Variants in LHX8 observed in about 807,000 individuals in gnomAD.
LHX8 encodes the protein LIM/homeobox protein Lhx8.
In LHX8, 12 loss-of-function variants were observed where a neutral mutation model predicts 40.3. The ratio of observed to expected loss-of-function variants is 0.30; its 90% CI spans 0.19 to 0.48. LHX8 has a LOEUF of 0.48. Among genes scored for constraint, LHX8 ranks in the 20% least tolerant of loss-of-function variants. The pLI, the probability that LHX8 is intolerant of heterozygous loss-of-function variation, is 0.99. For synonymous variants in LHX8, 179 were observed against 162.0 expected (o/e 1.10, Z -0.80); for missense variants, 344 against 433.7 (o/e 0.79, Z 1.84).
chr1:75,193,529 CTAA>C, the LHX8 span, among the ~76,000 whole-genome samples: 1 of 152,206 alleles, frequency 6.6e-6, no homozygotes, highest in African/African-American at 2.4e-5. Flanking sequence ...ACATTTACTT[CTAA>C]TGAGAGCCCC....
chr1:75,190,759 A>G, the LHX8 span, among the ~76,000 whole-genome samples: 1 of 152,188 alleles, frequency 6.6e-6, no homozygotes, highest in South Asian at 2.1e-4. Flanking sequence ...ACTTTTTCTT[A>G]GAGATAAACA....
chr1:75,199,016 T>C, the LHX8 span, among the ~76,000 whole-genome samples: 1 of 152,358 alleles, frequency 6.6e-6, no homozygotes, highest in African/African-American at 2.4e-5. Flanking sequence ...CATCATTCTT[T>C]TTTGTTTGTT....
chr1:75,160,559 A>G, intron 8 of LHX8: 2 of 469,914 alleles, frequency 4.3e-6, no homozygotes, highest in East Asian at 3.8e-5. Context: ...GGTGAAGTGC[A>G]GTGAATGGGG....
In LHX8 at chr1:75,156,231, G is replaced by GTTGTT. The variant is rs915408822; in HGVS notation, c.781-639_781-635dup. Among the ~76,000 whole-genome samples the GTTGTT allele has an allele frequency of 2.7e-4, 17 of 62,384 alleles. No homozygotes were observed. The East Asian group carries it at 5.6e-3, about 21-fold the overall frequency. 40.9% of individuals were successfully genotyped at this position (62,384 alleles called of 152,430 possible). The stretch of plus-strand genomic sequence containing the variant: ...GGGCTTTGTTGTTGTTGTTGTTGTT[G>GTTGTT]TTGTTTTGTTTTGTTTTGTTTTGTT... On this transcript the variant is annotated intron_variant, in intron 7 of 8. Coordinates refer to ENST00000356261, the MANE Select transcript of LHX8 (RefSeq NM_001256114.2).
At chr1:75,128,504 A>C (rs182226067) in exon 1 of LHX8, 11 of 152,286 alleles carry the variant, frequency 7.2e-5, no homozygotes, top group African/African-American at 2.6e-4. Flanking sequence ...CCATTTACTG[A>C]AAGTGTCCAT....
chr1:75,143,106 T>C lies in LHX8; in HGVS notation c.360-12T>C. On this transcript the variant is annotated splice_polypyrimidine_tract_variant and intron_variant, in intron 4 of 8. Coordinates refer to ENST00000356261, the MANE Select transcript of LHX8 (RefSeq NM_001256114.2). ...TTAAAATATTTACCTTCCACACCTCTATTTAATGTAGAAGGTATGGAACTC... is the reference window on the plus strand; with the variant it reads ...TTAAAATATTTACCTTCCACACCTCCATTTAATGTAGAAGGTATGGAACTC... 1 of 1,600,792 alleles carries C rather than the reference T, an allele frequency of 6.2e-7. No homozygotes were observed. Among genetic ancestry groups the C allele is most frequent in the Non-Finnish European group, 8.6e-7 (1 of 1,168,270 alleles).
chr1:75,177,672 C>A, the LHX8 span, among the ~76,000 whole-genome samples: 1 of 152,280 alleles, frequency 6.6e-6, no homozygotes, highest in Non-Finnish European at 1.5e-5. Flanking sequence ...TTATTGCTTT[C>A]TCTTGCCTGA....
chr1:75,164,672 CTTTA>C (rs886416335), downstream of LHX8, among the ~76,000 whole-genome samples: 3 of 150,638 alleles, frequency 2.0e-5, no homozygotes, highest in Admixed American at 6.6e-5. Flanking sequence ...TTTTAAAAAA[CTTTA>C]TTTATTACTT....
the LHX8 span, among the ~76,000 whole-genome samples, chr1:75,178,077 C>A: frequency 6.6e-6 from 1 of 152,118 alleles, no homozygotes. Flanking sequence ...TTCAGTCTGT[C>A]AGTATTTTAT....
chr1:75,155,738 C>G (rs1648745496), intron 7 of LHX8, among the ~76,000 whole-genome samples: 1 of 152,140 alleles, frequency 6.6e-6, no homozygotes, highest in Admixed American at 6.5e-5. Flanking sequence ...TTTGTGAACT[C>G]TCATCAGTGG....
the LHX8 span, among the ~76,000 whole-genome samples, chr1:75,193,214 C>T: frequency 6.6e-6 from 1 of 152,136 alleles, no homozygotes; most frequent in Non-Finnish European, 1.5e-5. Context: ...AGAATAACCC[C>T]ACTGTACTTT....
chr1:75,197,488 C>T, the LHX8 span, among the ~76,000 whole-genome samples: 1 of 152,130 alleles, frequency 6.6e-6, no homozygotes, highest in Non-Finnish European at 1.5e-5. Context: ...GTTCAAGTTA[C>T]ATGTTATAGA....
chr1:75,148,819 A>T, intron 7 of LHX8, 137 bp downstream of exon 7: 1 of 663,770 alleles, frequency 1.5e-6, no homozygotes, highest in Non-Finnish European at 2.7e-6. Context: ...ATGGGATTAC[A>T]GGATGAGCCA....
At chr1:75,175,017 C>A in the LHX8 span, among the ~76,000 whole-genome samples, 1 of 152,112 alleles carries the variant, frequency 6.6e-6, no homozygotes, top group Non-Finnish European at 1.5e-5. Flanking sequence ...TACGCTTTTG[C>A]GTCCTCATAG....
downstream of LHX8, among the ~76,000 whole-genome samples, chr1:75,164,913 G>T (rs1649000870): frequency 6.6e-6 from 1 of 151,902 alleles, no homozygotes; most frequent in South Asian, 2.1e-4. Context: ...GGTTCAAGCA[G>T]TCCTCCCACC....
chr1:75,143,232 A>G lies in LHX8; in HGVS notation c.474A>G (p.Lys158=). Residue 158 remains lysine, a synonymous_variant, in exon 5 of 9, where the codon AAA becomes AAG. Transcript: ENST00000356261. The part of the protein sequence containing the change: ...HLACFACFSC[K]RQLSTGEEFA... ...CATGCTTTGCCTGCTTTTCCTGCAA[A>G]AGGCAACTTTCCACAGGAGAGGAGT... The G allele has an allele frequency of 6.2e-7, 1 of 1,613,862 alleles. No homozygotes were observed. The highest frequency in any genetic ancestry group is 8.5e-7 in the Non-Finnish European group (1 of 1,179,802).
At chr1:75,132,735 C>A (rs550573875), upstream of LHX8, 1 of 148,072 alleles carries the variant, frequency 6.8e-6, no homozygotes, top group African/African-American at 2.5e-5. Context: ...CAGACAGTAC[C>A]CCAGATTCAC....
chr1:75,187,514 TG>T, the LHX8 span, among the ~76,000 whole-genome samples: 1 of 152,044 alleles, frequency 6.6e-6, no homozygotes, highest in Non-Finnish European at 1.5e-5. Context: ...AGGAAAGTAT[TG>T]GGGGGGTCCC....
the LHX8 span, among the ~76,000 whole-genome samples, chr1:75,178,484 T>C: frequency 6.6e-6 from 1 of 152,226 alleles, no homozygotes; most frequent in Non-Finnish European, 1.5e-5. Context: ...TATTCTTTGA[T>C]GGTAGTTTGT....
Sources: gnomAD v4.1 joint callset for allele counts (sites outside exome capture counted in the v4.1 genomes callset) on GRCh38, gnomAD v4.1.1 for gene constraint, MANE v1.5 for transcripts, NCBI Gene and HGNC (gene_info 2026-07-23, HGNC 2026-07-21) for gene names.